GABBR2: variants seen among roughly 807,000 people sequenced by gnomAD.
GABBR2 encodes gamma-aminobutyric acid type B receptor subunit 2.
A neutral mutation model predicts 105.6 loss-of-function variants in GABBR2; 23 were observed. The ratio of observed to expected loss-of-function variants is 0.22; its 90% CI spans 0.16 to 0.31. The LOEUF is 0.31. GABBR2 is among the 10% of genes least tolerant of loss of function. The pLI is 1.00. For missense variants in GABBR2, 734 were observed against 1,245.5 expected (o/e 0.59, Z 6.18); for synonymous variants, 478 against 499.7 (o/e 0.96, Z 0.58).
At chr9:98,342,291 T>C (rs899462077) in intron 13 of GABBR2, among the ~76,000 whole-genome samples, 3 of 151,708 alleles carry the variant, frequency 2.0e-5, no homozygotes, top group African/African-American at 7.3e-5. Flanking sequence ...TGCGCAGGCA[T>C]AGAGGAAGAG....
At chr9:98,435,687 G>A (rs984659304) in intron 7 of GABBR2, among the ~76,000 whole-genome samples, 2 of 152,142 alleles carry the variant, frequency 1.3e-5, no homozygotes, top group African/African-American at 4.8e-5. Context: ...TCTCAAAGGT[G>A]CCACACTTTC....
intron 1 of GABBR2, among the ~76,000 whole-genome samples, chr9:98,624,332 C>A (rs980437184): frequency 1.3e-5 from 2 of 152,026 alleles, no homozygotes; most frequent in Non-Finnish European, 2.9e-5. Flanking sequence ...GACCTCACAG[C>A]CTCAGTGGGT....
intron 4 of GABBR2, among the ~76,000 whole-genome samples, chr9:98,485,821 T>C (rs769841817): frequency 1.8e-4 from 28 of 152,154 alleles, no homozygotes; most frequent in Non-Finnish European, 3.8e-4. Flanking sequence ...GAGGGTGGGC[T>C]GCTGACAGCT....
intron 13 of GABBR2, among the ~76,000 whole-genome samples, chr9:98,331,654 C>T (rs1210980138): frequency 1.3e-5 from 2 of 152,108 alleles, no homozygotes; most frequent in African/African-American, 4.8e-5. Context: ...ATGAATGACA[C>T]GTGTCTCTCT....
At chr9:98,389,148 C>CGGTG (rs1363410270) in intron 9 of GABBR2, 144 bp from the exon 10 acceptor site, 10 of 622,242 alleles carry the variant, frequency 1.6e-5, no homozygotes, top group Non-Finnish European at 2.8e-5. Context: ...GAGCCAGATC[C>CGGTG]GGTGGTTGGC....
At chr9:98,358,361 T>C (rs1831525013) in intron 13 of GABBR2, among the ~76,000 whole-genome samples, 1 of 152,218 alleles carries the variant, frequency 6.6e-6, no homozygotes, top group Non-Finnish European at 1.5e-5. Flanking sequence ...TCTCAGCACT[T>C]GGTTCACTGG....
At chr9:98,389,030 T>C in intron 9 of GABBR2, 26 bp from the exon 10 acceptor site, 1 of 1,599,170 alleles carries the variant, frequency 6.3e-7, no homozygotes, top group Non-Finnish European at 8.5e-7. Context: ...AAGACATCAG[T>C]GGGACCCAAT....
In GABBR2 at chr9:98,419,835, A is replaced by G. The variant is rs150686757; in HGVS notation, c.1237-13694T>C. Among the ~76,000 whole-genome samples the G allele has an allele frequency of 5.5e-3, 837 of 152,240 alleles. 10 individuals carry two copies. The highest frequency in any genetic ancestry group is 0.019 in the African/African-American group (785 of 41,538). On this transcript the variant is annotated intron_variant, in intron 7 of 18. Coordinates refer to ENST00000259455, the MANE Select transcript of GABBR2 (RefSeq NM_005458.8). ...TCAATGTGGCTCTGAGTGGAGGAAC[A>G]CCTGAGGGATCAGGAAGTGGTCCAA...
At chr9:98,658,215 G>A (rs187652857) in intron 1 of GABBR2, among the ~76,000 whole-genome samples, 150 of 152,252 alleles carry the variant, frequency 9.9e-4, no homozygotes, top group East Asian at 3.3e-3. Flanking sequence ...CTACCACCAC[G>A]GGCGGTTTCC....
In GABBR2 at chr9:98,543,076, C is replaced by T. The variant is rs963692359; in HGVS notation, c.460-1033G>A. ...ACACTCGATAGTCAAAGCTGTCCAT[C>T]GTTCTCTTTATTATTTCTTCTTTTT... On this transcript the variant is annotated intron_variant, in intron 2 of 18. Coordinates refer to ENST00000259455, the MANE Select transcript of GABBR2 (RefSeq NM_005458.8). Among the ~76,000 whole-genome samples the T allele has an allele frequency of 2.6e-5, 4 of 152,164 alleles. No homozygotes were observed. The East Asian group carries it at 5.8e-4, about 22-fold the overall frequency.
chr9:98,464,117 C>T (rs1403679644), intron 6 of GABBR2, among the ~76,000 whole-genome samples: 11 of 152,098 alleles, frequency 7.2e-5, no homozygotes, highest in Non-Finnish European at 1.3e-4. Flanking sequence ...GTGAGGAGCC[C>T]CTCTGCCCGG....
rs3032196 is a variant in GABBR2 at position 98,684,169 on chromosome 9, T to TAAAAA, written c.321+24243_321+24247dup. 1.9e-3 allele frequency among the ~76,000 whole-genome samples: 128 copies of TAAAAA among 66,132 alleles called. 3 individuals are homozygous for TAAAAA. The highest frequency in any genetic ancestry group is 7.3e-3 in the African/African-American group (116 of 15,858). The allele number at this position is 66,132 out of a possible 152,430, so 43.4% of individuals were successfully genotyped here. ...AAAAGAAGAATGCATTTTACCACGG[T>TAAAAA]AAAAAAAAAAAAAAAAAAAAAAAAA... On this transcript the variant is annotated intron_variant, in intron 1 of 18. Transcript: ENST00000259455.
intron 1 of GABBR2, among the ~76,000 whole-genome samples, chr9:98,594,289 C>G (rs1490495014): frequency 6.6e-6 from 1 of 152,236 alleles, no homozygotes; most frequent in African/African-American, 2.4e-5. Context: ...CCGCCTCCCA[C>G]CCCGTGGCTG....
chr9:98,639,599 CA>C lies in GABBR2; in HGVS notation c.322-61528del, dbSNP rs113683310. ...ACCATTGTTCTCACACACGCATAGA[CA>C]AAAAAAAAAAAAATTCAAATACAAG... On this transcript the variant is annotated intron_variant, in intron 1 of 18. Transcript: ENST00000259455. Among the ~76,000 whole-genome samples, 249 of 141,018 alleles carry C rather than the reference CA, an allele frequency of 1.8e-3. 1 individual carries two copies. The highest frequency in any genetic ancestry group is 3.8e-3 in the Middle Eastern group (1 of 264). 92.5% of individuals were successfully genotyped at this position (141,018 alleles called of 152,430 possible). A position where few individuals can be genotyped will look rare whatever the true frequency, so the allele number is the denominator to read the frequency against.
Position 98,439,651 on chromosome 9 carries a change from C to T in GABBR2, c.1236+14330G>A, listed in dbSNP as rs140800570. On this transcript the variant is annotated intron_variant, in intron 7 of 18. Coordinates refer to ENST00000259455, the MANE Select transcript of GABBR2 (RefSeq NM_005458.8). ...GCATGCATGCATGTGAGTGTGTTTG[C>T]GTGCATATGAATGTCAGAATGTGAA... Among the ~76,000 whole-genome samples, 861 of 152,178 alleles carry T rather than the reference C, an allele frequency of 5.7e-3. 10 individuals are homozygous for T. Among genetic ancestry groups the T allele is most frequent in the African/African-American group, 0.02 (816 of 41,520 alleles).
At chr9:98,473,603 A>G (rs550946080) in intron 5 of GABBR2, among the ~76,000 whole-genome samples, 1 of 152,332 alleles carries the variant, frequency 6.6e-6, no homozygotes, top group South Asian at 2.1e-4. Context: ...TTTCCTGAAG[A>G]TAGAAGGAAC....
At position 98,429,121 on chromosome 9, in the gene GABBR2, G is replaced by GGTGTGTGTGTGTGT. The variant is rs56248488; in HGVS notation, c.1237-22994_1237-22981dup. Among the ~76,000 whole-genome samples the GGTGTGTGTGTGTGT allele has an allele frequency of 9.5e-3, 1,380 of 145,554 alleles. 9 individuals carry two copies. The highest frequency in any genetic ancestry group is 0.023 in the East Asian group (113 of 4,880). ...AAATTAAAAACTCACCCAGGTTTTT[G>GGTGTGTGTGTGTGT]GTGTGTGTGTGTGTGTGTGTGTGTG... On this transcript the variant is annotated intron_variant, in intron 7 of 18. Coordinates refer to ENST00000259455, the MANE Select transcript of GABBR2 (RefSeq NM_005458.8).
At chr9:98,412,857 C>G (rs1043792273) in intron 7 of GABBR2, among the ~76,000 whole-genome samples, 1 of 152,190 alleles carries the variant, frequency 6.6e-6, no homozygotes, top group Non-Finnish European at 1.5e-5. Flanking sequence ...TCAAGAAGAA[C>G]CTAGACAGAC....
Position 98,678,035 on chromosome 9 carries a change from G to A in GABBR2, c.321+30382C>T, listed in dbSNP as rs377001150. Among the ~76,000 whole-genome samples, 133 of 152,168 alleles carry A rather than the reference G, an allele frequency of 8.7e-4. 2 individuals carry two copies. The South Asian group carries it at 0.027, about 31-fold the overall frequency. ...CATTGTCTGTCTCCTTTATCAGCAC[G>A]CAAGCTCTCTGGACGGAACTCTCGT... On this transcript the variant is annotated intron_variant, in intron 1 of 18. Transcript: ENST00000259455.
Sources: gnomAD v4.1 joint callset for allele counts (sites outside exome capture counted in the v4.1 genomes callset) on GRCh38, gnomAD v4.1.1 for gene constraint, MANE v1.5 for transcripts, NCBI Gene and HGNC (gene_info 2026-07-23, HGNC 2026-07-21) for gene names.